The following LCORL variants were observed in gnomAD, a reference collection of about 807,000 sequenced individuals.
LCORL encodes ligand dependent nuclear receptor corepressor like.
Under a neutral mutation model 141.8 loss-of-function variants are expected in LCORL, and 41 were observed. The ratio of observed to expected loss-of-function variants is 0.29; its 90% CI spans 0.23 to 0.38. LCORL has a LOEUF of 0.38. Among genes scored for constraint, LCORL ranks in the 10% least tolerant of loss-of-function variants. The probability of loss-of-function intolerance (pLI) is 1.00; values close to 1 mark genes in which losing one functional copy is unlikely to be tolerated. For missense variants in LCORL, 1,759 were observed against 2,035.0 expected (o/e 0.86, Z 2.61); for synonymous variants, 618 against 694.1 (o/e 0.89, Z 1.72).
At chr4:17,848,540 A>T (rs1381392223) in intron 7 of LCORL, among the ~76,000 whole-genome samples, 1 of 152,178 alleles carries the variant, frequency 6.6e-6, no homozygotes, top group African/African-American at 2.4e-5. Flanking sequence ...TTGAAGAGAC[A>T]GGGCTGGAGC....
intron 5 of LCORL, among the ~76,000 whole-genome samples, chr4:17,907,095 T>C (rs1273979315): frequency 6.6e-6 from 1 of 152,218 alleles, no homozygotes; most frequent in Non-Finnish European, 1.5e-5. Context: ...TATTCTTTCT[T>C]ATCTAGACCT....
At chr4:17,987,295 A>T (rs1719145654) in intron 1 of LCORL, among the ~76,000 whole-genome samples, 1 of 152,166 alleles carries the variant, frequency 6.6e-6, no homozygotes, top group Non-Finnish European at 1.5e-5. Context: ...CTGATATTAC[A>T]TATAAAGAGA....
chr4:17,893,879 A>C (rs1729485795), intron 5 of LCORL, among the ~76,000 whole-genome samples: 1 of 152,066 alleles, frequency 6.6e-6, no homozygotes, highest in Non-Finnish European at 1.5e-5. Context: ...GCTCACTGCA[A>C]CCTCTGCCTC....
intron 4 of LCORL, among the ~76,000 whole-genome samples, chr4:17,939,897 T>C (rs1737553166): frequency 9.1e-6 from 1 of 109,864 alleles, no homozygotes; most frequent in African/African-American, 4.8e-5. Flanking sequence ...CACACACATA[T>C]ATGTATATAT....
rs148886294 is a variant in LCORL at position 17,983,423 on chromosome 4, T to C, written c.155-10538A>G. Among the ~76,000 whole-genome samples, 36 of 152,338 alleles carry C rather than the reference T, an allele frequency of 2.4e-4. No individual in the cohort carries two copies. The East Asian group carries it at 4.8e-3, about 20-fold the overall frequency. ...CAAAGAAGGTTTTTCCTTTTGTTTT[T>C]GTCATCTCTGACTTATCTGAGCAGT... On this transcript the variant is annotated intron_variant, in intron 1 of 7. Coordinates refer to ENST00000635767, the Ensembl canonical transcript of LCORL.
At chr4:17,942,862 T>C (rs1435174357) in intron 4 of LCORL, among the ~76,000 whole-genome samples, 4 of 144,720 alleles carry the variant, frequency 2.8e-5, no homozygotes, top group Non-Finnish European at 4.5e-5. Flanking sequence ...AGCCAGCAAG[T>C]GAGCATTACC....
rs75609183 is a variant in LCORL, at chr4:17,876,371, G to T, written c.2619C>A (p.Asp873Glu). ...GAGTCATATTTCTGTCAGCATGTTG[G>T]TCTTTACCATCAATTTCTATCAATT... The change falls in exon 7 of 8, where the codon GAC becomes GAA. Residue 873 changes from aspartate to glutamate, a missense_variant. Coordinates refer to ENST00000635767, the Ensembl canonical transcript of LCORL. 1.8e-4 allele frequency: 222 copies of T among 1,230,768 alleles called. No homozygotes were observed. The East Asian group carries it at 6.2e-3, about 34-fold the overall frequency. The allele number at this position is 1,230,768 out of a possible 1,614,324, so 76.2% of individuals were successfully genotyped here. A position where few individuals can be genotyped will look rare whatever the true frequency, so the allele number is the denominator to read the frequency against.
rs1296265242 is a variant in LCORL at position 17,883,454 on chromosome 4, C to T, written c.776+2614G>A. ...CTAAAGAAAACCTGAATCTTTTTCA[C>T]CTATTTATACAAGGATTAAATACAA... On this transcript the variant is annotated intron_variant, in intron 6 of 7. Transcript: ENST00000635767. 4 of 1,177,136 alleles carry T rather than the reference C, an allele frequency of 3.4e-6. No homozygotes were observed. The African/African-American group carries it at 4.8e-5, about 14-fold the overall frequency. 72.9% of individuals were successfully genotyped at this position (1,177,136 alleles called of 1,614,324 possible).
chr4:18,015,768 A>C (rs1724535552), intron 1 of LCORL, among the ~76,000 whole-genome samples: 1 of 151,648 alleles, frequency 6.6e-6, no homozygotes, highest in Non-Finnish European at 1.5e-5. Flanking sequence ...AGGAGACAAG[A>C]AGCATCCAGA....
At chr4:17,926,358 G>C (rs1333894767) in intron 4 of LCORL, among the ~76,000 whole-genome samples, 1 of 152,204 alleles carries the variant, frequency 6.6e-6, no homozygotes, top group African/African-American at 2.4e-5. Flanking sequence ...GATAAAAGCA[G>C]GCAGCGGAAT....
chr4:17,990,524 G>C (rs1719804236), intron 1 of LCORL, among the ~76,000 whole-genome samples: 1 of 144,852 alleles, frequency 6.9e-6, no homozygotes, highest in African/African-American at 2.5e-5. Context: ...GGTGGGGTGG[G>C]AGGGTTGGTC....
intron 7 of LCORL, among the ~76,000 whole-genome samples, chr4:17,858,536 C>T (rs1041115090): frequency 6.7e-6 from 1 of 150,028 alleles, no homozygotes; most frequent in East Asian, 2.0e-4. Flanking sequence ...ACCAGCCTAA[C>T]GTGGAGAAAC....
At chr4:17,957,166 T>C (rs1268970914) in intron 4 of LCORL, among the ~76,000 whole-genome samples, 2 of 151,778 alleles carry the variant, frequency 1.3e-5, no homozygotes, top group Non-Finnish European at 2.9e-5. Context: ...ATGGGAATAG[T>C]ATTTGGGAGG....
At chr4:17,877,856 A>C (rs1051444142) in exon 7 of LCORL, 33 of 1,230,664 alleles carry the variant, frequency 2.7e-5, no homozygotes, top group Admixed American at 4.2e-5. Context: ...TAACGTGTTC[A>C]ACAGTTACAG....
chr4:17,944,475 T>C (rs1738507887), intron 4 of LCORL, among the ~76,000 whole-genome samples: 1 of 152,208 alleles, frequency 6.6e-6, no homozygotes, highest in African/African-American at 2.4e-5. Flanking sequence ...CAAATTATTG[T>C]TATAACTATT....
At chr4:17,988,052 C>A (rs992516551) in intron 1 of LCORL, among the ~76,000 whole-genome samples, 2 of 152,080 alleles carry the variant, frequency 1.3e-5, no homozygotes, top group African/African-American at 4.8e-5. Flanking sequence ...TTTATAGGGG[C>A]GGGTCTTTCC....
At chr4:17,951,023 T>G (rs1179427405) in intron 4 of LCORL, among the ~76,000 whole-genome samples, 2 of 152,186 alleles carry the variant, frequency 1.3e-5, no homozygotes, top group Non-Finnish European at 2.9e-5. Flanking sequence ...CAGAGCTACT[T>G]CCATGGATTC....
chr4:17,988,158 T>C (rs1184371226), intron 1 of LCORL, among the ~76,000 whole-genome samples: 2 of 152,360 alleles, frequency 1.3e-5, no homozygotes, highest in African/African-American at 2.4e-5. Flanking sequence ...CCACGTAAGA[T>C]GTGACTTGCT....
chr4:17,922,730 G>C (rs1014730178), intron 4 of LCORL, among the ~76,000 whole-genome samples: 2 of 152,272 alleles, frequency 1.3e-5, no homozygotes, highest in South Asian at 4.1e-4. Flanking sequence ...AGTGAGGGCA[G>C]TGACTGTAAA....
Sources: allele counts gnomAD v4.1 joint callset (sites outside exome capture counted in the v4.1 genomes callset), GRCh38; gene constraint gnomAD v4.1.1; transcripts MANE v1.5; gene names NCBI Gene and HGNC (gene_info 2026-07-23, HGNC 2026-07-21).